Variants in PFN4 observed in about 807,000 individuals in gnomAD.
The protein encoded by PFN4 is profilin-4.
A neutral mutation model predicts 16.3 loss-of-function variants in PFN4; 10 were observed. The observed-to-expected ratio is 0.61, with a 90% CI of 0.38 to 1.04. PFN4 has a LOEUF of 1.04. Among genes scored for constraint, PFN4 ranks in the 50% least tolerant of loss-of-function variants. The pLI, the probability that PFN4 is intolerant of heterozygous loss-of-function variation, is 0.01. For synonymous variants in PFN4, 54 were observed against 56.9 expected (o/e 0.95, Z 0.23); for missense variants, 136 against 153.6 (o/e 0.89, Z 0.61).
chr2:24,119,498 G>A, intron 4 of PFN4, 79 bp downstream of exon 4: 1 of 1,014,376 alleles, frequency 9.9e-7, no homozygotes. Flanking sequence ...TAGCTGGTTT[G>A]AGTTGGATCT....
At chr2:24,119,484 G>T (rs963900572) in intron 4 of PFN4, 93 bp downstream of exon 4, 33 of 860,306 alleles carry the variant, frequency 3.8e-5, no homozygotes, top group Non-Finnish European at 5.5e-5. Context: ...CCTCCTTTCT[G>T]CCCTAGCTGG....
Position 24,115,118 on chromosome 2 carries a change from C to G in PFN4, c.*465G>C, listed in dbSNP as rs1665873489. Among the ~76,000 whole-genome samples the G allele has an allele frequency of 6.6e-6, 1 of 152,200 alleles. No homozygotes were observed. Among genetic ancestry groups the G allele is most frequent in the Non-Finnish European group, 1.5e-5 (1 of 68,040 alleles). ...GGGAGTTGTATTACAGGAGGGGTAACACTGAGCTCAGGGACTCCACTGCTT... is the reference window on the plus strand; with the variant it reads ...GGGAGTTGTATTACAGGAGGGGTAAGACTGAGCTCAGGGACTCCACTGCTT... On this transcript the variant is annotated 3_prime_UTR_variant, in exon 5 of 5. Coordinates refer to ENST00000313213, the MANE Select transcript of PFN4 (RefSeq NM_199346.3).
intron 4 of PFN4, among the ~76,000 whole-genome samples, chr2:24,117,444 C>CT (rs34376278): frequency 1.9e-3 from 267 of 140,208 alleles, no homozygotes; most frequent in Non-Finnish European, 2.4e-3. Context: ...TCTTCTTCTT[C>CT]TTTTTTTTTT....
In PFN4 at chr2:24,121,281, C is replaced by T. The variant is rs772137902; in HGVS notation, c.137G>A (p.Arg46Gln). ...CTTGGCAAATCCATTCACCAGTGTT[C>T]GGACATCACTGGGCGTTACCTGGAG... ...PGFNVTPSDV[R>Q]TLVNGFAKNP... The change falls in exon 3 of 5, where the codon CGA becomes CAA. Residue 46 changes from arginine to glutamine, a missense_variant. Transcript: ENST00000313213. The T allele has an allele frequency of 5.0e-6, 8 of 1,614,018 alleles. No individual in the cohort carries two copies. Among genetic ancestry groups the T allele is most frequent in the Middle Eastern group, 1.6e-4 (1 of 6,084 alleles).
intron 4 of PFN4, among the ~76,000 whole-genome samples, chr2:24,117,503 C>A (rs35059499): frequency 1.3e-5 from 2 of 150,868 alleles, no homozygotes; most frequent in African/African-American, 2.4e-5. Context: ...AGTGCAATGG[C>A]GCTATTTTGG....
At chr2:24,123,393 G>A (rs1666190255), upstream of PFN4, 2 of 152,222 alleles carry the variant, frequency 1.3e-5, no homozygotes, top group East Asian at 1.9e-4. Flanking sequence ...CGCAAACCAA[G>A]ACCCGCCACC....
intron 4 of PFN4, 79 bp downstream of exon 4, chr2:24,119,498 G>T: frequency 9.9e-7 from 1 of 1,014,376 alleles, no homozygotes; most frequent in Non-Finnish European, 1.5e-6. Flanking sequence ...TAGCTGGTTT[G>T]AGTTGGATCT....
At chr2:24,121,553 T>C (rs1666119320) in intron 2 of PFN4, among the ~76,000 whole-genome samples, 1 of 152,226 alleles carries the variant, frequency 6.6e-6, no homozygotes, top group African/African-American at 2.4e-5. Context: ...TATGGCTGTT[T>C]TTCCTCTACA....
rs370967554 is a variant in PFN4 at position 24,121,242 on chromosome 2, G to T, written c.176C>A (p.Ala59Asp). Residue 59 changes from alanine to aspartate, a missense_variant, in exon 3 of 5, where the codon GCC (alanine) becomes GAC (aspartate). By Grantham distance (126) the Ala-to-Asp change is moderately radical. Transcript: ENST00000313213. ...VNGFAKNPLQ[A>D]RREGLYFKGK... ...CTTGAAATACAGTCCTTCTCTTCGG[G>T]CTTGCAAAGGGTTCTTGGCAAATCC... 1.9e-6 allele frequency: 3 copies of T among 1,614,096 alleles called. No homozygotes were observed. The highest frequency in any genetic ancestry group is 2.5e-6 in the Non-Finnish European group (3 of 1,180,000).
At chr2:24,120,329 C>T (rs758348671) in intron 3 of PFN4, among the ~76,000 whole-genome samples, 11 of 152,004 alleles carry the variant, frequency 7.2e-5, no homozygotes, top group African/African-American at 1.9e-4. Context: ...ATGGAAAGGT[C>T]GTACATTTTG....
rs1236827005 is a variant in PFN4, at chr2:24,123,146, C to G, written c.-41G>C. On this transcript the variant is annotated 5_prime_UTR_variant, in exon 1 of 5. Coordinates refer to ENST00000313213, the MANE Select transcript of PFN4 (RefSeq NM_199346.3). The stretch of plus-strand genomic sequence containing the variant: ...CGGCACAGGCGCCCGTTTCCCGCCA[C>G]TGCCTTCCAGTGGTTTGGTCCCCGA... The G allele has an allele frequency of 6.6e-6, 1 of 152,504 alleles. No homozygotes were observed. The highest frequency in any genetic ancestry group is 2.4e-5 in the African/African-American group (1 of 41,460). The allele number at this position is 152,504 out of a possible 1,614,324, so 9.4% of individuals were successfully genotyped here.
chr2:24,118,898 G>A (rs1340408706), intron 4 of PFN4, among the ~76,000 whole-genome samples: 1 of 152,130 alleles, frequency 6.6e-6, no homozygotes, highest in Non-Finnish European at 1.5e-5. Flanking sequence ...GAGTGTTTAT[G>A]CAACTCCAGT....
At chr2:24,120,630 A>G (rs1666082015) in intron 3 of PFN4, among the ~76,000 whole-genome samples, 1 of 152,068 alleles carries the variant, frequency 6.6e-6, no homozygotes, top group Non-Finnish European at 1.5e-5. Context: ...ATCTCGGCTC[A>G]CTGCAACCTC....
chr2:24,116,822 A>C (rs1665934010), intron 4 of PFN4, among the ~76,000 whole-genome samples: 1 of 151,742 alleles, frequency 6.6e-6, no homozygotes, highest in East Asian at 1.9e-4. Flanking sequence ...AGTTGCAGGG[A>C]GCCAATATCA....
Position 24,115,592 on chromosome 2 carries a change from T to C in PFN4, c.381A>G (p.Lys127=), listed in dbSNP as rs751942174. Residue 127 remains lysine (K), a synonymous_variant, in exon 5 of 5, where the codon AAA becomes AAG. Transcript: ENST00000313213. The part of the protein sequence containing the change: ...TESLGDYLRK[K]GS ...ATGGGCCTCTGATGACTTAACTTCC[T>C]TTTTTTCTTAGGTAGTCTCCTGAAA... 5 of 1,610,966 alleles carry C rather than the reference T, an allele frequency of 3.1e-6. No individual in the cohort carries two copies. The highest frequency in any genetic ancestry group is 4.2e-6 in the Non-Finnish European group (5 of 1,178,336).
At position 24,115,496 on chromosome 2, in the gene PFN4, G is replaced by A. The variant is rs550127537; in HGVS notation, c.*87C>T. The A allele has an allele frequency of 4.5e-5, 56 of 1,238,938 alleles. No homozygotes were observed. In the East Asian group the frequency reaches 1.2e-3, roughly 27 times the overall value. The allele number at this position is 1,238,938 out of a possible 1,614,324, so 76.7% of individuals were successfully genotyped here. ...TCTTTTTTAGTGCCTTCTGTCTAGT[G>A]TTTTTTCAACCATAAAATATTTTTT... On this transcript the variant is annotated 3_prime_UTR_variant, in exon 5 of 5. Coordinates refer to ENST00000313213, the MANE Select transcript of PFN4 (RefSeq NM_199346.3).
chr2:24,122,605 G>A (rs1666156487), intron 1 of PFN4, 58 bp from the exon 2 acceptor site: 2 of 1,002,334 alleles, frequency 2.0e-6, no homozygotes, highest in Non-Finnish European at 3.2e-6. Context: ...AAAGGCATGT[G>A]AATACAAATG....
Position 24,115,511 on chromosome 2 carries a change from A to G in PFN4, c.*72T>C. On this transcript the variant is annotated 3_prime_UTR_variant, in exon 5 of 5. Coordinates refer to ENST00000313213, the MANE Select transcript of PFN4 (RefSeq NM_199346.3). The stretch of plus-strand genomic sequence containing the variant: ...TCTGTCTAGTGTTTTTTCAACCATA[A>G]AATATTTTTTCTTTAGGCTCTTCAA... 7.2e-7 allele frequency: 1 copy of G among 1,386,762 alleles called. No individual in the cohort carries two copies. Among genetic ancestry groups the G allele is most frequent in the Non-Finnish European group, 1.0e-6 (1 of 995,842 alleles). 85.9% of individuals were successfully genotyped at this position (1,386,762 alleles called of 1,614,324 possible).
chr2:24,115,057 C>A lies in PFN4; in HGVS notation c.*526G>T, dbSNP rs2111886. Among the ~76,000 whole-genome samples, 152,299 of 152,318 alleles carry A rather than the reference C, an allele frequency of 1. 76,140 individuals carry two copies. The highest frequency in any genetic ancestry group is 1 in the Non-Finnish European group (68,036 of 68,036). ...TGCAATCCCTTCTCCCAAGTCTCAC[C>A]GGGGTGATGTGAGCCAGACAGATGT... On this transcript the variant is annotated 3_prime_UTR_variant, in exon 5 of 5. Coordinates refer to ENST00000313213, the MANE Select transcript of PFN4 (RefSeq NM_199346.3).
Sources: allele counts gnomAD v4.1 joint callset (sites outside exome capture counted in the v4.1 genomes callset), GRCh38; gene constraint gnomAD v4.1.1; transcripts MANE v1.5; gene names NCBI Gene and HGNC (gene_info 2026-07-23, HGNC 2026-07-21).